The following KIAA0586 variants were observed in gnomAD, a reference collection of about 807,000 sequenced individuals.
KIAA0586 encodes KIAA0586.
In KIAA0586, 144 loss-of-function variants were observed where a neutral mutation model predicts 169.8. The ratio of observed to expected loss-of-function variants is 0.85; its 90% confidence interval spans 0.74 to 0.97. The LOEUF is 0.97. KIAA0586 is among the 50% of genes least tolerant of loss of function. The pLI, the probability that KIAA0586 is intolerant of heterozygous loss-of-function variation, is 0.00. For synonymous variants in KIAA0586, 625 were observed against 612.4 expected (o/e 1.02, Z -0.30); for missense variants, 1,854 against 1,823.0 (o/e 1.02, Z -0.31).
rs546815669 is a variant in KIAA0586 at position 58,463,868 on chromosome 14, G to A, written c.2060-1967G>A. The A allele has an allele frequency of 2.5e-4, 70 of 280,292 alleles. 1 individual carries two copies. The highest frequency in any genetic ancestry group is 1.5e-3 in the African/African-American group (65 of 42,658). The allele number at this position is 280,292 out of a possible 1,614,324, so 17.4% of individuals were successfully genotyped here. A position where few individuals can be genotyped will look rare whatever the true frequency, so the allele number is the denominator to read the frequency against. ...GATACATTAAAAAATTAGATACATA[G>A]AAACACCCACATGTGAAGTGGAAGT... is the stretch of plus-strand genomic sequence containing the variant. On this transcript the variant is annotated intron_variant, in intron 14 of 30. Coordinates refer to ENST00000652326, the MANE Select transcript of KIAA0586 (RefSeq NM_001329943.3).
intron 4 of KIAA0586, among the ~76,000 whole-genome samples, chr14:58,434,571 T>G (rs1364345965): frequency 6.6e-6 from 1 of 152,230 alleles, no homozygotes; most frequent in African/African-American, 2.4e-5. Context: ...TCATCAGAGA[T>G]ATTTTCATCA....
At chr14:58,543,817 T>A (rs1402616973) in intron 30 of KIAA0586, 1 of 431,608 alleles carries the variant, frequency 2.3e-6, no homozygotes, top group African/African-American at 2.1e-5. Context: ...CCGTCTCCCG[T>A]CTCTCTATTT....
chr14:58,492,371 G>T, intron 26 of KIAA0586, 96 bp downstream of exon 26: 2 of 1,210,892 alleles, frequency 1.7e-6, no homozygotes, highest in East Asian at 2.7e-5. Context: ...CTAGTATTTT[G>T]GTTTTTTCAA....
At chr14:58,473,850 G>A (rs1199603632) in intron 18 of KIAA0586, among the ~76,000 whole-genome samples, 3 of 152,006 alleles carry the variant, frequency 2.0e-5, no homozygotes, top group Admixed American at 2.0e-4. Flanking sequence ...AGGTTGCAGT[G>A]AGCTGAGATC....
At chr14:58,547,327 G>A (rs1054974446) in intron 30 of KIAA0586, among the ~76,000 whole-genome samples, 18 of 152,116 alleles carry the variant, frequency 1.2e-4, no homozygotes, top group Non-Finnish European at 2.1e-4. Flanking sequence ...GCTAAGCTCT[G>A]TTGTTGAGCT....
chr14:58,433,965 C>G (rs1171840140), intron 4 of KIAA0586, among the ~76,000 whole-genome samples: 1 of 152,106 alleles, frequency 6.6e-6, no homozygotes, highest in African/African-American at 2.4e-5. Context: ...TGCCACTGCA[C>G]TCCAGCCTGG....
At chr14:58,482,837 T>C in intron 21 of KIAA0586, 125 bp downstream of exon 21, 1 of 677,134 alleles carries the variant, frequency 1.5e-6, no homozygotes, top group Non-Finnish European at 2.2e-6. Flanking sequence ...GGTCTTTATT[T>C]ATTGCCCTGG....
At chr14:58,527,533 A>C (rs957703790) in intron 29 of KIAA0586, among the ~76,000 whole-genome samples, 1 of 152,238 alleles carries the variant, frequency 6.6e-6, no homozygotes, top group South Asian at 2.1e-4. Context: ...AAGCCAGAAG[A>C]GAATGGGGGG....
chr14:58,503,839 G>C (rs959293152), intron 27 of KIAA0586, among the ~76,000 whole-genome samples: 1 of 151,584 alleles, frequency 6.6e-6, no homozygotes, highest in Middle Eastern at 3.2e-3. Flanking sequence ...AGGGTTAATC[G>C]TGGAAATGCA....
the KIAA0586 span, among the ~76,000 whole-genome samples, chr14:58,560,717 A>C: frequency 6.6e-6 from 1 of 152,224 alleles, no homozygotes; most frequent in Non-Finnish European, 1.5e-5. Flanking sequence ...AAAGCAGCTG[A>C]ATTCAAATGC....
At chr14:58,499,054 A>C in intron 27 of KIAA0586, 94 bp downstream of exon 27, 1 of 1,115,796 alleles carries the variant, frequency 9.0e-7, no homozygotes, top group Non-Finnish European at 1.2e-6. Context: ...GGGCTTGCAA[A>C]ATTTCTTTAT....
At chr14:58,486,977 A>G in intron 21 of KIAA0586, 30 bp from the exon 22 acceptor site, 1 of 1,542,628 alleles carries the variant, frequency 6.5e-7, no homozygotes, top group Non-Finnish European at 8.8e-7. Context: ...GTGATTATAA[A>G]CACAGTTTAT....
At chr14:58,445,369 G>A (rs1177885180) in intron 6 of KIAA0586, among the ~76,000 whole-genome samples, 1 of 151,754 alleles carries the variant, frequency 6.6e-6, no homozygotes, top group Non-Finnish European at 1.5e-5. Context: ...ATTATAAAAA[G>A]CATTATCCTC....
intron 29 of KIAA0586, among the ~76,000 whole-genome samples, chr14:58,525,265 G>C (rs1342834156): frequency 6.6e-6 from 1 of 151,960 alleles, no homozygotes; most frequent in Non-Finnish European, 1.5e-5. Context: ...TTAGGGGCCT[G>C]GGCAAGATGG....
At chr14:58,547,056 A>G (rs529583886) in intron 30 of KIAA0586, among the ~76,000 whole-genome samples, 23 of 151,928 alleles carry the variant, frequency 1.5e-4, no homozygotes, top group African/African-American at 5.6e-4. Context: ...CATGCTCTTG[A>G]GTTTAAGAGT....
chr14:58,458,743 T>A (rs1197335474), intron 12 of KIAA0586, among the ~76,000 whole-genome samples, 198 bp downstream of exon 12: 1 of 152,200 alleles, frequency 6.6e-6, no homozygotes, highest in African/African-American at 2.4e-5. Flanking sequence ...ACTTATATTC[T>A]GGCTCTTATT....
intron 13 of KIAA0586, among the ~76,000 whole-genome samples, chr14:58,460,408 G>T (rs752407467): frequency 6.6e-5 from 10 of 152,018 alleles, no homozygotes; most frequent in Non-Finnish European, 1.2e-4. Flanking sequence ...TGTGTATATA[G>T]TTTATTTTTC....
At chr14:58,429,691 T>C (rs2037197817) in intron 2 of KIAA0586, among the ~76,000 whole-genome samples, 1 of 137,634 alleles carries the variant, frequency 7.3e-6, no homozygotes, top group Non-Finnish European at 1.7e-5. Context: ...AAAGAAACTC[T>C]CTTACTATTC....
At chr14:58,479,119 G>T (rs920751584) in intron 20 of KIAA0586, among the ~76,000 whole-genome samples, 1 of 152,160 alleles carries the variant, frequency 6.6e-6, no homozygotes, top group African/African-American at 2.4e-5. Context: ...AAAAGTGGGT[G>T]TACTATTTTG....
Sources: allele counts gnomAD v4.1 joint callset (sites outside exome capture counted in the v4.1 genomes callset), GRCh38; gene constraint gnomAD v4.1.1; transcripts MANE v1.5; gene names NCBI Gene and HGNC (gene_info 2026-07-23, HGNC 2026-07-21).